TRPS1: variants seen among roughly 807,000 people sequenced by gnomAD.
The protein encoded by TRPS1 is zinc finger transcription factor Trps1.
Under a neutral mutation model 101.2 loss-of-function variants are expected in TRPS1, and 6 were observed. The ratio of observed to expected loss-of-function variants is 0.06; its 90% CI spans 0.03 to 0.12. TRPS1 has a LOEUF of 0.12. Among genes scored for constraint, TRPS1 ranks in the 10% least tolerant of loss-of-function variants. TRPS1 has a pLI of 1.00. For missense variants in TRPS1, 1,363 were observed against 1,567.0 expected (o/e 0.87, Z 2.20); for synonymous variants, 578 against 589.8 (o/e 0.98, Z 0.29).
intron 5 of TRPS1, among the ~76,000 whole-genome samples, chr8:115,428,141 T>C (rs926806110): frequency 6.6e-6 from 1 of 152,216 alleles, no homozygotes; most frequent in Non-Finnish European, 1.5e-5. Flanking sequence ...TATATGTGTA[T>C]GTTCCAAGGC....
At chr8:115,624,268 T>G (rs774339010) in intron 1 of TRPS1, among the ~76,000 whole-genome samples, 20 of 151,910 alleles carry the variant, frequency 1.3e-4, no homozygotes, top group Non-Finnish European at 1.8e-4. Context: ...CCCGTTAGAG[T>G]AAGTCTACTA....
At chr8:115,475,757 G>C (rs1420683362) in intron 5 of TRPS1, among the ~76,000 whole-genome samples, 3 of 152,016 alleles carry the variant, frequency 2.0e-5, no homozygotes, top group Non-Finnish European at 4.4e-5. Context: ...TCCATGTAAG[G>C]CTTCATACTA....
At chr8:115,562,252 G>A (rs1430652925) in intron 5 of TRPS1, among the ~76,000 whole-genome samples, 1 of 151,936 alleles carries the variant, frequency 6.6e-6, no homozygotes, top group Non-Finnish European at 1.5e-5. Flanking sequence ...CAAAGAGGAA[G>A]ACCATTCCCT....
intron 5 of TRPS1, among the ~76,000 whole-genome samples, chr8:115,500,193 C>A (rs1414570011): frequency 6.6e-6 from 1 of 151,964 alleles, no homozygotes; most frequent in African/African-American, 2.4e-5. Context: ...CCACGCCCGG[C>A]CAATTTTTGT....
rs1812790376 is a variant in TRPS1, at chr8:115,411,572, C to T, written c.*2451G>A. Reference sequence around the variant, plus strand: ...TCTTTTTTAGATCTTTAATTGTCACCTCTCAAGTCTGGCTATACATTTTGA... The same window carrying T: ...TCTTTTTTAGATCTTTAATTGTCACTTCTCAAGTCTGGCTATACATTTTGA... On this transcript the variant is annotated 3_prime_UTR_variant, in exon 7 of 7. Transcript: ENST00000395715. 6.6e-6 allele frequency: 1 copy of T among 152,370 alleles called. No homozygotes were observed. The highest frequency in any genetic ancestry group is 2.1e-4 in the South Asian group (1 of 4,834). 9.4% of individuals were successfully genotyped at this position (152,370 alleles called of 1,614,324 possible).
intron 1 of TRPS1, chr8:115,667,727 C>G (rs1367850017): frequency 2.7e-6 from 3 of 1,100,682 alleles, no homozygotes; most frequent in Non-Finnish European, 2.6e-6. Context: ...CAGAGCCCAG[C>G]TGGGCCTTTA....
At chr8:115,666,298 C>T (rs1479218210) in intron 1 of TRPS1, among the ~76,000 whole-genome samples, 2 of 151,612 alleles carry the variant, frequency 1.3e-5, no homozygotes. Context: ...AAAAAAAATC[C>T]TCAAAATGTT....
chr8:115,494,327 T>C (rs1302048762), intron 5 of TRPS1, among the ~76,000 whole-genome samples: 12 of 152,300 alleles, frequency 7.9e-5, no homozygotes, highest in East Asian at 7.7e-4. Flanking sequence ...CAGTAAAGAA[T>C]AGAAAACAGG....
intron 5 of TRPS1, among the ~76,000 whole-genome samples, chr8:115,483,285 C>A (rs1814799643): frequency 6.6e-6 from 1 of 151,990 alleles, no homozygotes. Flanking sequence ...ATAATCCCAG[C>A]ACTTTGGGAG....
intron 5 of TRPS1, among the ~76,000 whole-genome samples, chr8:115,555,379 A>T (rs2130352133): frequency 6.6e-6 from 1 of 151,982 alleles, no homozygotes; most frequent in Admixed American, 6.6e-5. Context: ...CTCACTTCCA[A>T]CATCAAGAAT....
intron 5 of TRPS1, among the ~76,000 whole-genome samples, chr8:115,562,876 CTGTGTGTGTGTGTGTGTG>C (rs10588354): frequency 3.5e-4 from 46 of 132,678 alleles, no homozygotes; most frequent in African/African-American, 1.0e-3. Flanking sequence ...CCCACAGTGT[CTGTGTGTGTGTGTGTGTG>C]TGTGTGTGTG....
intron 5 of TRPS1, among the ~76,000 whole-genome samples, chr8:115,549,516 T>C (rs3808437): frequency 0.69 from 104,482 of 151,990 alleles, 37,470 homozygotes; most frequent in African/African-American, 0.89. Flanking sequence ...ATATCAAAGA[T>C]GGACGATTAG....
At position 115,619,069 on chromosome 8, in the gene TRPS1, T is replaced by C. The variant is rs987761001; in HGVS notation, c.966+63A>G. The C allele has an allele frequency of 1.4e-5, 22 of 1,578,150 alleles. No individual in the cohort carries two copies. In the African/African-American group the frequency reaches 2.5e-4, roughly 18 times the overall value. ...TGGGACCTTGGTTTTAACATGAATA[T>C]AAGAATTCACATTTCATTTCTAATA... On this transcript the variant is annotated intron_variant, in intron 3 of 6. Coordinates refer to ENST00000395715, the MANE Select transcript of TRPS1 (RefSeq NM_014112.5).
chr8:115,419,373 G>GA (rs562810789), intron 5 of TRPS1, among the ~76,000 whole-genome samples: 8,476 of 140,268 alleles, frequency 0.06, 665 homozygotes, highest in African/African-American at 0.18. Context: ...TTCTCTTGCT[G>GA]AAAAAAAAAA....
rs776368433 is a variant in TRPS1, at chr8:115,619,302, G to A, written c.796C>T (p.Arg266Cys). The A allele has an allele frequency of 1.2e-6, 2 of 1,614,140 alleles. No homozygotes were observed. Among genetic ancestry groups the A allele is most frequent in the Non-Finnish European group, 8.5e-7 (1 of 1,179,978 alleles). Reference protein sequence around the residue: ...FRKYHLGLHNRTRQDAELDSK... With the variant: ...FRKYHLGLHNCTRQDAELDSK... ...TCCAGCTCAGCATCTTGCCTGGTGCGGTTATGCAGTCCTAAGTGATACTTT... is the reference window on the plus strand; with the variant it reads ...TCCAGCTCAGCATCTTGCCTGGTGCAGTTATGCAGTCCTAAGTGATACTTT... Residue 266 changes from arginine (R) to cysteine (C), a missense_variant, in exon 3 of 7, where the codon CGC (arginine) becomes TGC (cysteine). Around this residue, in one of 5 missense-constraint regions of TRPS1, gnomAD observed 1,020 missense variants for 1,073.0 expected, o/e 0.95. Coordinates refer to ENST00000395715, the MANE Select transcript of TRPS1 (RefSeq NM_014112.5).
chr8:115,580,452 G>T (rs1022217630), intron 5 of TRPS1, among the ~76,000 whole-genome samples: 4 of 151,806 alleles, frequency 2.6e-5, no homozygotes, highest in African/African-American at 9.7e-5. Flanking sequence ...GAATCATTCT[G>T]GCCCTGTGCT....
intron 1 of TRPS1, among the ~76,000 whole-genome samples, chr8:115,666,908 G>T: frequency 6.8e-6 from 1 of 147,444 alleles, no homozygotes; most frequent in Non-Finnish European, 1.5e-5. Context: ...AAAGTTCAAT[G>T]AATCTACAAA....
intron 1 of TRPS1, among the ~76,000 whole-genome samples, chr8:115,659,704 A>T (rs1192455864): frequency 6.6e-6 from 1 of 151,988 alleles, no homozygotes; most frequent in Admixed American, 6.6e-5. Flanking sequence ...TTTTATTTCC[A>T]CATCTTGCAA....
At chr8:115,419,659 G>C (rs1813003689) in intron 5 of TRPS1, among the ~76,000 whole-genome samples, 1 of 152,154 alleles carries the variant, frequency 6.6e-6, no homozygotes, top group Non-Finnish European at 1.5e-5. Flanking sequence ...ATTTCAAATG[G>C]AAAGCTTTCT....
Sources: gnomAD v4.1 joint callset for allele counts (sites outside exome capture counted in the v4.1 genomes callset) on GRCh38, gnomAD v4.1.1 for gene constraint, gnomAD v4.1.1 regional missense constraint, MANE v1.5 for transcripts, NCBI Gene and HGNC (gene_info 2026-07-23, HGNC 2026-07-21) for gene names.